The following OR56A3 variants were observed in gnomAD, a reference collection of about 807,000 sequenced individuals.
OR56A3 encodes the protein olfactory receptor family 56 subfamily A member 3.
OR56A3 carries 23 observed loss-of-function variants against 17.5 expected under a neutral mutation model. The observed-to-expected ratio is 1.32, with a 90% CI of 0.95 to 1.87. The LOEUF is 1.87. Among genes scored for constraint, OR56A3 ranks in the 40% most tolerant of loss-of-function variants. The probability of loss-of-function intolerance (pLI) is 0.00; values close to 1 mark genes in which losing one functional copy is unlikely to be tolerated. For synonymous variants in OR56A3, 175 were observed against 150.6 expected (o/e 1.16, Z -1.19); for missense variants, 366 against 380.1 (o/e 0.96, Z 0.31).
chr11:5,959,686 G>C, the OR56A3 span, among the ~76,000 whole-genome samples: 65 of 152,136 alleles, frequency 4.3e-4, 1 homozygote, highest in African/African-American at 1.4e-3. Flanking sequence ...AATACCATTT[G>C]TCTATTTTTA....
the OR56A3 span, among the ~76,000 whole-genome samples, chr11:5,993,115 G>A: frequency 6.6e-6 from 1 of 152,156 alleles, no homozygotes; most frequent in South Asian, 2.1e-4. Context: ...AACCTGTGAA[G>A]CAGGAGGAAA....
the OR56A3 span, chr11:6,002,927 G>A: frequency 1.2e-6 from 2 of 1,613,978 alleles, no homozygotes; most frequent in Admixed American, 1.7e-5. Flanking sequence ...AGCTCTGGAA[G>A]TTGGGGAAGC....
chr11:5,951,782 G>A (rs1847909532), downstream of OR56A3, among the ~76,000 whole-genome samples: 1 of 152,094 alleles, frequency 6.6e-6, no homozygotes, highest in East Asian at 1.9e-4. Context: ...TCCTTATTAT[G>A]GTGCTGGGGT....
chr11:5,980,272 A>G, the OR56A3 span, among the ~76,000 whole-genome samples: 32 of 152,136 alleles, frequency 2.1e-4, no homozygotes, highest in Non-Finnish European at 3.5e-4. Flanking sequence ...TCTGTATGAT[A>G]CTATCAATGG....
At chr11:5,987,027 A>C in the OR56A3 span, 1 of 1,163,634 alleles carries the variant, frequency 8.6e-7, no homozygotes, top group Non-Finnish European at 1.2e-6. Flanking sequence ...GAAGGGAATA[A>C]AGTTAGCTAC....
the OR56A3 span, among the ~76,000 whole-genome samples, chr11:5,980,461 T>G: frequency 1.3e-5 from 2 of 152,196 alleles, no homozygotes; most frequent in East Asian, 3.8e-4. Flanking sequence ...TTGATCACTG[T>G]TGGTTTAAAG....
chr11:6,002,789 G>A, the OR56A3 span: 5 of 1,613,832 alleles, frequency 3.1e-6, 1 homozygote, highest in South Asian at 4.4e-5. Context: ...GCAGGGAGAG[G>A]AGGCTGAGCA....
the OR56A3 span, among the ~76,000 whole-genome samples, chr11:6,019,053 G>C: frequency 2.0e-5 from 3 of 151,716 alleles, no homozygotes; most frequent in Non-Finnish European, 2.9e-5. Context: ...ACAAAAAAAA[G>C]CACAGGGACA....
the OR56A3 span, among the ~76,000 whole-genome samples, chr11:5,991,515 A>T: frequency 6.6e-6 from 1 of 152,204 alleles, no homozygotes; most frequent in Non-Finnish European, 1.5e-5. Context: ...AGTTTGTTTG[A>T]GGAGTCAGGC....
At position 5,947,364 on chromosome 11, in the gene OR56A3, T is replaced by A. The variant is rs2134362650; in HGVS notation, c.18T>A (p.Asn6Lys). Reference sequence around the variant, plus strand: ...GGGAAAATATGACAACACACCGAAATGACACCCTCTCCACTGAAGCTTCAG... The same window carrying A: ...GGGAAAATATGACAACACACCGAAAAGACACCCTCTCCACTGAAGCTTCAG... MTTHR[N>K]DTLSTEASDF... is the part of the protein sequence containing the mutation. The change falls in exon 3 of 3, where the codon AAT becomes AAA. Residue 6 changes from asparagine to lysine, a missense_variant. Transcript: ENST00000641160. 1 of 1,599,504 alleles carries A rather than the reference T, an allele frequency of 6.3e-7. No homozygotes were observed. Among genetic ancestry groups the A allele is most frequent in the Admixed American group, 1.7e-5 (1 of 57,844 alleles).
Position 5,947,950 on chromosome 11 carries a change from T to C in OR56A3, c.604T>C (p.Tyr202His), listed in dbSNP as rs1847882980. 4 of 1,614,206 alleles carry C rather than the reference T, an allele frequency of 2.5e-6. No homozygotes were observed. The highest frequency in any genetic ancestry group is 3.4e-6 in the Non-Finnish European group (4 of 1,180,036). The change falls in exon 3 of 3, where the codon TAC (tyrosine) becomes CAC (histidine). Residue 202 changes from tyrosine to histidine, a missense_variant. Coordinates refer to ENST00000641160, the MANE Select transcript of OR56A3 (RefSeq NM_001003443.3). ...SCDDVTINHL[Y>H]QFAGGWTLLG... is the part of the protein sequence containing the mutation. ...CGATGATGTCACCATCAATCACCTT[T>C]ACCAATTTGCTGGAGGCTGGACTCT...
chr11:6,020,514 A>C, the OR56A3 span: 1 of 152,094 alleles, frequency 6.6e-6, no homozygotes, highest in Non-Finnish European at 1.5e-5. Context: ...CTCACTGTAG[A>C]GATCTTTCAC....
chr11:6,000,973 C>T, the OR56A3 span: 2 of 152,216 alleles, frequency 1.3e-5, no homozygotes, highest in African/African-American at 2.4e-5. Context: ...AGTTGTCAAA[C>T]AATGCCTGGA....
the OR56A3 span, among the ~76,000 whole-genome samples, chr11:6,009,652 T>C: frequency 6.6e-6 from 1 of 152,224 alleles, no homozygotes. Context: ...GCCGCTCCTC[T>C]ATAGGTAATG....
the OR56A3 span, among the ~76,000 whole-genome samples, chr11:5,965,640 T>A: frequency 6.6e-6 from 1 of 152,222 alleles, no homozygotes; most frequent in Non-Finnish European, 1.5e-5. Context: ...ATGTAAAGCA[T>A]TATATTAAAG....
chr11:6,013,149 A>G, the OR56A3 span, among the ~76,000 whole-genome samples: 3 of 152,230 alleles, frequency 2.0e-5, no homozygotes, highest in Non-Finnish European at 4.4e-5. Context: ...GGGCAGCTGC[A>G]GCCATGCCTG....
chr11:5,973,958 T>A, the OR56A3 span, among the ~76,000 whole-genome samples: 2 of 152,366 alleles, frequency 1.3e-5, no homozygotes, highest in East Asian at 3.9e-4. Flanking sequence ...AAAGCTCCAG[T>A]GCTTACTAAG....
At chr11:5,981,235 G>A in the OR56A3 span, among the ~76,000 whole-genome samples, 1 of 152,142 alleles carries the variant, frequency 6.6e-6, no homozygotes, top group African/African-American at 2.4e-5. Flanking sequence ...AAAATTTCAT[G>A]GAGAATATCT....
rs1366834862 is a variant in OR56A3 at position 5,950,369 on chromosome 11, A to T, written c.*2075A>T. On this transcript the variant is annotated 3_prime_UTR_variant, in exon 3 of 3. Coordinates refer to ENST00000641160, the MANE Select transcript of OR56A3 (RefSeq NM_001003443.3). The stretch of plus-strand genomic sequence containing the variant: ...CTTGTCTTCCCAAAGAACATGGTAA[A>T]AAGTTCATATTTTAAAAGTATTTGC... The T allele has an allele frequency of 6.6e-6, 1 of 152,172 alleles. No individual in the cohort carries two copies. Among genetic ancestry groups the T allele is most frequent in the African/African-American group, 2.4e-5 (1 of 41,444 alleles). The allele number at this position is 152,172 out of a possible 1,614,324, so 9.4% of individuals were successfully genotyped here.
Sources: gnomAD v4.1 joint callset for allele counts (sites outside exome capture counted in the v4.1 genomes callset) on GRCh38, gnomAD v4.1.1 for gene constraint, MANE v1.5 for transcripts, NCBI Gene and HGNC (gene_info 2026-07-23, HGNC 2026-07-21) for gene names.